CFAP69: variants seen among roughly 807,000 people sequenced by gnomAD.
The protein encoded by CFAP69 is cilia and flagella associated protein 69, also known as cilia- and flagella-associated protein 69.
In CFAP69, 92 loss-of-function variants were observed where a neutral mutation model predicts 123.0. The observed-to-expected ratio is 0.75, with a 90% CI of 0.63 to 0.89. The LOEUF (loss-of-function observed/expected upper bound fraction) is 0.89, where lower values mean the gene tolerates loss of function less well. CFAP69 is among the 40% of genes least tolerant of loss of function. The pLI is 0.00. For synonymous variants in CFAP69, 380 were observed against 364.3 expected, an observed-to-expected ratio of 1.04 and a Z score of -0.49; for missense variants, 1,067 against 1,096.9, an observed-to-expected ratio of 0.97 and a Z score of 0.39.
chr7:90,252,240 G>C (rs1195232374), intron 1 of CFAP69, among the ~76,000 whole-genome samples: 1 of 151,798 alleles, frequency 6.6e-6, no homozygotes, highest in Admixed American at 6.6e-5. Context: ...AATCTTAAAA[G>C]GCAGAAGTCT....
At chr7:90,265,256 G>T (rs991113358) in intron 4 of CFAP69, 45 bp from the exon 5 acceptor site, 1 of 1,234,932 alleles carries the variant, frequency 8.1e-7, no homozygotes, top group East Asian at 2.3e-5. Context: ...TTCAATTAAA[G>T]ACTTTATTAA....
chr7:90,290,468 C>T (rs960662917), intron 15 of CFAP69, among the ~76,000 whole-genome samples: 1 of 152,186 alleles, frequency 6.6e-6, no homozygotes, highest in African/African-American at 2.4e-5. Flanking sequence ...CAGTTGCTTG[C>T]ATAAGGCCCA....
intron 1 of CFAP69, among the ~76,000 whole-genome samples, chr7:90,253,377 TTTTGC>T (rs1274681673): frequency 6.6e-6 from 1 of 152,106 alleles, no homozygotes; most frequent in Non-Finnish European, 1.5e-5. Flanking sequence ...TTTTGTTTTG[TTTTGC>T]TATTTGTATT....
In CFAP69 at chr7:90,277,060, G is replaced by T. The variant is rs772250381; in HGVS notation, c.985-13G>T. On this transcript the variant is annotated splice_polypyrimidine_tract_variant and intron_variant, in intron 9 of 22. Transcript: ENST00000389297. Reference sequence around the variant, plus strand: ...TCATTCATCTTTCTGCTTATTTTATGTATTTATATTAGGAATGTGGCTTTA... The same window carrying T: ...TCATTCATCTTTCTGCTTATTTTATTTATTTATATTAGGAATGTGGCTTTA... 4 of 1,525,376 alleles carry T rather than the reference G, an allele frequency of 2.6e-6. No individual in the cohort carries two copies. The highest frequency in any genetic ancestry group is 3.5e-6 in the Non-Finnish European group (4 of 1,128,900). 94.5% of individuals were successfully genotyped at this position (1,525,376 alleles called of 1,614,324 possible). A position where few individuals can be genotyped will look rare whatever the true frequency, so the allele number is the denominator to read the frequency against.
chr7:90,308,909 T>G (rs938449273), intron 21 of CFAP69, among the ~76,000 whole-genome samples: 2 of 152,164 alleles, frequency 1.3e-5, no homozygotes, highest in African/African-American at 4.8e-5. Context: ...ATGCAATATG[T>G]TTTGCAATAT....
rs142472811 is a variant in CFAP69, at chr7:90,290,409, A to T, written c.1775+2057A>T. ...AAACCTGAGTCCCAGCTCAGCAGTC[A>T]GGCAGAGGAGTTCCCTCTTACTCAG... On this transcript the variant is annotated intron_variant, in intron 15 of 22. Transcript: ENST00000389297. Among the ~76,000 whole-genome samples, 306 of 152,328 alleles carry T rather than the reference A, an allele frequency of 2.0e-3. 1 individual carries two copies. The highest frequency in any genetic ancestry group is 3.2e-3 in the Non-Finnish European group (216 of 68,032).
At chr7:90,245,664 C>T in intron 1 of CFAP69, 120 bp downstream of exon 1, 2 of 1,264,806 alleles carry the variant, frequency 1.6e-6, no homozygotes, top group Admixed American at 3.0e-5. Flanking sequence ...TGGGGGAAGC[C>T]GCGGGATGGA....
intron 1 of CFAP69, among the ~76,000 whole-genome samples, chr7:90,250,187 GGAGAGAGAGA>G (rs10527106): frequency 0.18 from 22,779 of 125,690 alleles, 2,481 homozygotes; most frequent in Non-Finnish European, 0.21. Context: ...TTTAAAGAGA[GGAGAGAGAGA>G]GAGAGAGAGA....
At chr7:90,264,834 G>A (rs182306431) in intron 4 of CFAP69, among the ~76,000 whole-genome samples, 3 of 150,766 alleles carry the variant, frequency 2.0e-5, no homozygotes, top group East Asian at 3.9e-4. Flanking sequence ...TCACTCTGTC[G>A]CCAGGCTGGA....
intron 3 of CFAP69, among the ~76,000 whole-genome samples, chr7:90,258,701 C>T (rs1457520796): frequency 6.6e-6 from 1 of 152,214 alleles, no homozygotes; most frequent in Non-Finnish European, 1.5e-5. Flanking sequence ...GGCCATTAAT[C>T]TGTCTACCAC....
At position 90,271,659 on chromosome 7, in the gene CFAP69, G is replaced by T; in HGVS notation, c.666G>T (p.Gln222His). The T allele has an allele frequency of 6.2e-7, 1 of 1,613,356 alleles. No individual in the cohort carries two copies. The change falls in exon 7 of 23, where the codon CAG becomes CAT. Residue 222 changes from glutamine (Q) to histidine (H), a missense_variant. Transcript: ENST00000389297. ...AACTTTGGGTACTTAAAGTTCTGCA[G>T]CATCTCTCAACTTCTGGTTTGTATA... Reference protein sequence around the residue: ...VEKLWVLKVLQHLSTSEVNCT... With the variant: ...VEKLWVLKVLHHLSTSEVNCT...
At chr7:90,264,198 C>A (rs559566147) in intron 4 of CFAP69, among the ~76,000 whole-genome samples, 2 of 140,374 alleles carry the variant, frequency 1.4e-5, no homozygotes, top group East Asian at 4.3e-4. Context: ...TTAAATAGTA[C>A]AGGAGGTTCA....
the CFAP69 span, chr7:90,318,504 T>G: frequency 6.6e-6 from 1 of 152,158 alleles, no homozygotes; most frequent in Non-Finnish European, 1.5e-5. Context: ...CATTAAATAT[T>G]ACTTTTTAGG....
At chr7:90,318,131 A>G in the CFAP69 span, 8 of 152,146 alleles carry the variant, frequency 5.3e-5, no homozygotes, top group Admixed American at 6.5e-5. Flanking sequence ...AAAAAGTATT[A>G]ATCTAAACCG....
At chr7:90,304,540 A>G (rs1300733693) in intron 18 of CFAP69, 2 of 1,337,898 alleles carry the variant, frequency 1.5e-6, no homozygotes, top group Middle Eastern at 2.8e-4. Context: ...GACCTGGCAG[A>G]AATGTGTTAT....
intron 4 of CFAP69, among the ~76,000 whole-genome samples, chr7:90,262,483 G>A (rs1263627943): frequency 1.3e-5 from 2 of 151,998 alleles, no homozygotes. Context: ...AAATTTGAGT[G>A]AAGAATAAAA....
At chr7:90,303,474 A>G (rs1380620633) in intron 17 of CFAP69, 3 of 714,954 alleles carry the variant, frequency 4.2e-6, no homozygotes, top group Non-Finnish European at 5.1e-6. Context: ...TTATTTTTAG[A>G]TATGTTTCCT....
intron 3 of CFAP69, 38 bp from the exon 4 acceptor site, chr7:90,261,909 T>C (rs1180187287): frequency 4.6e-6 from 5 of 1,095,070 alleles, no homozygotes; most frequent in African/African-American, 3.3e-5. Context: ...AATAAAGATA[T>C]TAATCTGAAT....
At chr7:90,317,583 AAT>A in the CFAP69 span, 3 of 152,086 alleles carry the variant, frequency 2.0e-5, no homozygotes, top group Admixed American at 6.6e-5. Context: ...GAGGTCCTTT[AAT>A]ATTGAAAATT....
Sources: allele counts gnomAD v4.1 joint callset (sites outside exome capture counted in the v4.1 genomes callset), GRCh38; gene constraint gnomAD v4.1.1; transcripts MANE v1.5; gene names NCBI Gene and HGNC (gene_info 2026-07-23, HGNC 2026-07-21).